The following TNRC6C variants were observed in gnomAD, a reference collection of about 807,000 sequenced individuals.
TNRC6C encodes trinucleotide repeat containing adaptor 6C, also known as trinucleotide repeat-containing gene 6C protein.
In TNRC6C, 20 loss-of-function variants were observed where a neutral mutation model predicts 153.7. The ratio of observed to expected loss-of-function variants is 0.13; its 90% CI spans 0.09 to 0.19. TNRC6C has a LOEUF of 0.19. Ranked by LOEUF, TNRC6C falls within the 10% of genes least tolerant of loss-of-function variation. The pLI is 1.00. For missense variants in TNRC6C, 1,987 were observed against 2,172.0 expected (o/e 0.91, Z 1.69); for synonymous variants, 811 against 841.4 (o/e 0.96, Z 0.63).
chr17:78,098,447 C>A, exon 17 of TNRC6C: 1 of 1,613,980 alleles, frequency 6.2e-7, no homozygotes, highest in Non-Finnish European at 8.5e-7. Flanking sequence ...CAGTACTGCA[C>A]CCACGAGGCC....
intron 1 of TNRC6C, among the ~76,000 whole-genome samples, chr17:77,974,971 G>A (rs1047703906): frequency 2.6e-5 from 4 of 152,144 alleles, no homozygotes; most frequent in Non-Finnish European, 5.9e-5. Context: ...AAACAAATTT[G>A]TAAACAAACA....
intron 13 of TNRC6C, among the ~76,000 whole-genome samples, chr17:78,090,189 T>C (rs913386024): frequency 3.9e-5 from 6 of 152,180 alleles, no homozygotes; most frequent in Non-Finnish European, 7.3e-5. Flanking sequence ...TTGGGGAAAG[T>C]GGCTTCTGGC....
At chr17:78,040,419 CTTTGA>C (rs1372729072) in intron 2 of TNRC6C, among the ~76,000 whole-genome samples, 2 of 152,144 alleles carry the variant, frequency 1.3e-5, no homozygotes, top group African/African-American at 2.4e-5. Context: ...TAAACAGAGG[CTTTGA>C]TTAATATACG....
Position 78,104,827 on chromosome 17 carries a change from C to G in TNRC6C, c.5055C>G (p.Leu1685=), listed in dbSNP as rs1019677182. 7.0e-7 allele frequency: 1 copy of G among 1,437,658 alleles called. No individual in the cohort carries two copies. Among genetic ancestry groups the G allele is most frequent in the South Asian group, 1.5e-5 (1 of 68,040 alleles). 89.1% of individuals were successfully genotyped at this position (1,437,658 alleles called of 1,614,324 possible). A position where few individuals can be genotyped will look rare whatever the true frequency, so the allele number is the denominator to read the frequency against. The change falls in exon 20 of 20, where the codon CTC becomes CTG. Residue 1685 remains leucine (L), a synonymous_variant. Transcript: ENST00000301624. The surrounding 1 kb of genome is among the most constrained non-coding windows in gnomAD (Gnocchi z 6.2). Reference sequence around the variant, plus strand: ...CCACCCTGCTGCCTGGGGACCTGCTCAGCGGGGAGTCCCTGTAGGCTCTGC... The same window carrying G: ...CCACCCTGCTGCCTGGGGACCTGCTGAGCGGGGAGTCCCTGTAGGCTCTGC...
intron 1 of TNRC6C, among the ~76,000 whole-genome samples, chr17:78,026,607 C>G (rs2071946039): frequency 6.6e-6 from 1 of 152,216 alleles, no homozygotes; most frequent in Admixed American, 6.5e-5. Flanking sequence ...TTAGCACTTG[C>G]TGAACCTCAA....
chr17:78,084,901 GGAT>G (rs2073252459), intron 11 of TNRC6C, among the ~76,000 whole-genome samples: 1 of 152,166 alleles, frequency 6.6e-6, no homozygotes, highest in African/African-American at 2.4e-5. Flanking sequence ...CAAAGTGCTG[GGAT>G]TACAGGCGTG....
intron 3 of TNRC6C, among the ~76,000 whole-genome samples, chr17:78,063,033 G>A (rs2072799377): frequency 6.6e-6 from 1 of 152,096 alleles, no homozygotes; most frequent in African/African-American, 2.4e-5. Context: ...ATCACTTGAG[G>A]TCAGGAGTTC....
intron 1 of TNRC6C, among the ~76,000 whole-genome samples, chr17:77,967,123 T>G (rs2070903543): frequency 6.6e-6 from 1 of 152,242 alleles, no homozygotes; most frequent in African/African-American, 2.4e-5. Flanking sequence ...TCTTAGCCAC[T>G]GTTGGACTTT....
intron 2 of TNRC6C, among the ~76,000 whole-genome samples, chr17:78,037,613 G>A (rs979719834): frequency 6.6e-6 from 1 of 152,204 alleles, no homozygotes; most frequent in Non-Finnish European, 1.5e-5. Flanking sequence ...GCGCAGACCC[G>A]CAGTTGTAAA....
chr17:78,012,005 T>G (rs2071641172), intron 1 of TNRC6C: 1 of 152,248 alleles, frequency 6.6e-6, no homozygotes, highest in African/African-American at 2.4e-5. Flanking sequence ...TTTTCCAGAT[T>G]GGTTTCTGAT....
chr17:78,011,732 A>G (rs144801625), intron 1 of TNRC6C, among the ~76,000 whole-genome samples: 2 of 152,292 alleles, frequency 1.3e-5, no homozygotes, highest in East Asian at 3.9e-4. Context: ...TGATAGGTGT[A>G]TGTTTCATTT....
At chr17:77,973,764 G>A (rs530678518) in intron 1 of TNRC6C, among the ~76,000 whole-genome samples, 1 of 151,970 alleles carries the variant, frequency 6.6e-6, no homozygotes, top group South Asian at 2.1e-4. Flanking sequence ...TAAATCCTGG[G>A]GAATAAATTT....
intron 1 of TNRC6C, among the ~76,000 whole-genome samples, chr17:78,025,900 G>A (rs993376373): frequency 1.3e-5 from 2 of 152,192 alleles, no homozygotes; most frequent in African/African-American, 4.8e-5. Flanking sequence ...AAAACTGCAT[G>A]TCATGTTCTC....
intron 14 of TNRC6C, 40 bp downstream of exon 16, chr17:78,091,647 G>A: frequency 7.1e-7 from 1 of 1,410,486 alleles, no homozygotes; most frequent in African/African-American, 1.5e-5. Flanking sequence ...GATCACTGCT[G>A]GCTTATTAAT....
Position 78,104,722 on chromosome 17 carries a change from G to GGTGCCCC in TNRC6C, c.4951_4957dup (p.Gln1653ArgfsTer108). 6.5e-7 allele frequency: 1 copy of GGTGCCCC among 1,534,820 alleles called. No homozygotes were observed. The highest frequency in any genetic ancestry group is 2.5e-5 in the East Asian group (1 of 40,692). On this transcript the variant is annotated frameshift_variant, in exon 20 of 20. Transcript: ENST00000301624. LOFTEE classifies it high-confidence loss of function. The surrounding 1 kb of genome is among the most constrained non-coding windows in gnomAD (Gnocchi z 6.2). ...GGAGCAGTGAGCTGCTGTGGGGCGG[G>GGTGCCCC]GTGCCCCAGTACTCCAGCAGCCTGT... is the stretch of plus-strand genomic sequence containing the variant.
chr17:78,042,322 A>G (rs1489442973), intron 2 of TNRC6C, among the ~76,000 whole-genome samples: 1 of 152,178 alleles, frequency 6.6e-6, no homozygotes, highest in Non-Finnish European at 1.5e-5. Flanking sequence ...ACTAGATTAT[A>G]TTCTGAAAAC....
chr17:78,092,698 C>T (rs2073414664), intron 14 of TNRC6C, among the ~76,000 whole-genome samples: 1 of 152,108 alleles, frequency 6.6e-6, no homozygotes, highest in Admixed American at 6.5e-5. Context: ...CACATCACTA[C>T]ACTCCAGCCT....
rs183012168 is a variant in TNRC6C, at chr17:77,984,827, C to T, written c.-37-19343C>T. Among the ~76,000 whole-genome samples, 260 of 148,942 alleles carry T rather than the reference C, an allele frequency of 1.7e-3. 1 individual carries two copies. The highest frequency in any genetic ancestry group is 6.1e-3 in the African/African-American group (233 of 38,450). ...TCCTCTGAGTTCTTAGCCTCTTATACGCACACACACACACACACACTCTTT... is the reference window on the plus strand; with the variant it reads ...TCCTCTGAGTTCTTAGCCTCTTATATGCACACACACACACACACACTCTTT... On this transcript the variant is annotated intron_variant, in intron 1 of 22. Transcript: ENST00000636222.
chr17:78,067,308 T>TAGTA (rs1284792109), intron 4 of TNRC6C, among the ~76,000 whole-genome samples: 1 of 152,122 alleles, frequency 6.6e-6, no homozygotes, highest in Non-Finnish European at 1.5e-5. Flanking sequence ...ATTGCACTAC[T>TAGTA]ATAATCCGGG....
Sources: allele counts gnomAD v4.1 joint callset (sites outside exome capture counted in the v4.1 genomes callset), GRCh38; gene constraint gnomAD v4.1.1; non-coding constraint Gnocchi (gnomAD v3.1); transcripts MANE v1.5; gene names NCBI Gene and HGNC (gene_info 2026-07-23, HGNC 2026-07-21).